The following CAMK4 variants were observed in gnomAD, a reference collection of about 807,000 sequenced individuals.
CAMK4 encodes the protein calcium/calmodulin-dependent protein kinase type IV.
Under a neutral mutation model 44.9 loss-of-function variants are expected in CAMK4, and 22 were observed. The observed-to-expected ratio is 0.49, with a 90% CI of 0.35 to 0.70. The LOEUF (loss-of-function observed/expected upper bound fraction) is 0.70. Among genes scored for constraint, CAMK4 ranks in the 30% least tolerant of loss-of-function variants. The probability of loss-of-function intolerance (pLI) is 0.01; values close to 1 mark genes in which losing one functional copy is unlikely to be tolerated. For missense variants in CAMK4, 498 were observed against 586.8 expected (o/e 0.85, Z 1.56); for synonymous variants, 218 against 215.4 (o/e 1.01, Z -0.11).
At chr5:111,378,143 T>C (rs1751283130) in intron 4 of CAMK4, among the ~76,000 whole-genome samples, 1 of 152,002 alleles carries the variant, frequency 6.6e-6, no homozygotes, top group Non-Finnish European at 1.5e-5. Context: ...ATGAGATTAG[T>C]GCCGTTATAA....
intron 5 of CAMK4, among the ~76,000 whole-genome samples, chr5:111,434,771 TACTC>T (rs1289725288): frequency 1.3e-5 from 2 of 152,238 alleles, no homozygotes; most frequent in Admixed American, 6.5e-5. Flanking sequence ...AATTTATGTG[TACTC>T]ACTCTAATTT....
chr5:111,295,420 G>T (rs115356392), intron 1 of CAMK4, among the ~76,000 whole-genome samples: 2,054 of 152,214 alleles, frequency 0.013, 16 homozygotes, highest in Middle Eastern at 0.027. Flanking sequence ...GGGAATTTTG[G>T]TTCAAGTTAG....
At chr5:111,397,928 A>G (rs1752082000) in intron 5 of CAMK4, among the ~76,000 whole-genome samples, 1 of 152,144 alleles carries the variant, frequency 6.6e-6, no homozygotes, top group South Asian at 2.1e-4. Flanking sequence ...AAAATGAAGT[A>G]ATCTTCAAAA....
At chr5:111,383,552 A>C (rs960668849) in intron 4 of CAMK4, among the ~76,000 whole-genome samples, 2 of 152,074 alleles carry the variant, frequency 1.3e-5, no homozygotes, top group Non-Finnish European at 2.9e-5. Context: ...TTTGAGTTCC[A>C]TGGAGGCAGT....
chr5:111,488,102 A>C lies in CAMK4; in HGVS notation c.*3636A>C, dbSNP rs1755695826. On this transcript the variant is annotated 3_prime_UTR_variant, in exon 11 of 11. Coordinates refer to ENST00000282356, the MANE Select transcript of CAMK4 (RefSeq NM_001744.6). ...TACCAAAATCTACTCTCAGCCAACT[A>C]TGTGTCTTCATTCAGGAAGAACTGC... The C allele has an allele frequency of 1.3e-5, 2 of 152,158 alleles. No individual in the cohort carries two copies. Among genetic ancestry groups the C allele is most frequent in the Admixed American group, 6.5e-5 (1 of 15,282 alleles). 9.4% of individuals were successfully genotyped at this position (152,158 alleles called of 1,614,324 possible). A position where few individuals can be genotyped will look rare whatever the true frequency, so the allele number is the denominator to read the frequency against.
At chr5:111,343,877 T>TG in intron 1 of CAMK4, 147 bp from the exon 2 acceptor site, 1 of 537,750 alleles carries the variant, frequency 1.9e-6, no homozygotes, top group Non-Finnish European at 3.3e-6. Flanking sequence ...AAAATACTCT[T>TG]GACAGCTAGG....
chr5:111,258,740 CGTGTGTGT>C (rs201959904), intron 1 of CAMK4, among the ~76,000 whole-genome samples: 7,436 of 139,266 alleles, frequency 0.053, 210 homozygotes, highest in South Asian at 0.084. Flanking sequence ...GAGTTATCAG[CGTGTGTGT>C]GTGTGTGTGT....
chr5:111,316,446 C>A (rs1455923474), intron 1 of CAMK4, among the ~76,000 whole-genome samples: 4 of 152,174 alleles, frequency 2.6e-5, no homozygotes, highest in African/African-American at 9.7e-5. Context: ...TTCTTTTCTT[C>A]TTCTAAGATG....
At chr5:111,474,064 G>A (rs549844332) in intron 8 of CAMK4, among the ~76,000 whole-genome samples, 171 of 152,264 alleles carry the variant, frequency 1.1e-3, no homozygotes, top group Non-Finnish European at 1.9e-3. Flanking sequence ...ATAGAAGAGC[G>A]TCTGAGATGG....
chr5:111,274,981 T>G (rs1253511692), intron 1 of CAMK4, among the ~76,000 whole-genome samples: 1 of 152,126 alleles, frequency 6.6e-6, no homozygotes. Context: ...TGCTCTTGAC[T>G]TTTTTCTTAA....
chr5:111,320,424 A>C (rs145388588), intron 1 of CAMK4, among the ~76,000 whole-genome samples: 15 of 152,278 alleles, frequency 9.9e-5, no homozygotes, highest in African/African-American at 3.6e-4. Flanking sequence ...ATAGAAACAG[A>C]AATTAATTTG....
intron 1 of CAMK4, among the ~76,000 whole-genome samples, chr5:111,252,515 T>C (rs1468675846): frequency 2.6e-5 from 4 of 152,170 alleles, no homozygotes; most frequent in African/African-American, 9.7e-5. Context: ...GGGGAACTTG[T>C]GGTTGCTGGT....
At chr5:111,478,100 TATAATA>T (rs931422920) in intron 8 of CAMK4, among the ~76,000 whole-genome samples, 1 of 150,260 alleles carries the variant, frequency 6.7e-6, no homozygotes, top group Non-Finnish European at 1.5e-5. Context: ...TAATAAGAAT[TATAATA>T]ATAATTATTA....
At chr5:111,467,654 G>A (rs1754890284) in intron 7 of CAMK4, among the ~76,000 whole-genome samples, 1 of 152,028 alleles carries the variant, frequency 6.6e-6, no homozygotes, top group Non-Finnish European at 1.5e-5. Flanking sequence ...GCAATGCAAT[G>A]CCACCTTACT....
rs1422108362 is a variant in CAMK4, at chr5:111,376,090, T to C, written c.304-770T>C. Among the ~76,000 whole-genome samples, 3 of 151,940 alleles carry C rather than the reference T, an allele frequency of 2.0e-5. No individual in the cohort carries two copies. The East Asian group carries it at 5.8e-4, about 29-fold the overall frequency. ...GATACCATCTCTGAACAAATCAGAG[T>C]TCTGTTTATATTAAAGTAGGGAGAA... On this transcript the variant is annotated intron_variant, in intron 3 of 10. Coordinates refer to ENST00000282356, the MANE Select transcript of CAMK4 (RefSeq NM_001744.6).
Position 111,484,683 on chromosome 5 carries a change from GA to G in CAMK4, c.*218del, listed in dbSNP as rs1012630120. 1.6e-5 allele frequency: 6 copies of G among 377,966 alleles called. No homozygotes were observed. The highest frequency in any genetic ancestry group is 2.8e-5 in the Non-Finnish European group (6 of 213,840). The allele number at this position is 377,966 out of a possible 1,614,324, so 23.4% of individuals were successfully genotyped here. A position where few individuals can be genotyped will look rare whatever the true frequency, so the allele number is the denominator to read the frequency against. On this transcript the variant is annotated 3_prime_UTR_variant, in exon 11 of 11. Transcript: ENST00000282356. This position sits in a 1 kb window ranked among gnomAD's most constrained non-coding sequence, Gnocchi z 5.3. ...TGGCATGTAATGGATACCTAATACCGATGAGTTAAATCTTGCAAGTTAACAC... is the reference window on the plus strand; with the variant it reads ...TGGCATGTAATGGATACCTAATACCGTGAGTTAAATCTTGCAAGTTAACAC...
chr5:111,348,958 T>G lies in CAMK4; in HGVS notation c.240+4856T>G, dbSNP rs141718367. Among the ~76,000 whole-genome samples, 241 of 152,166 alleles carry G rather than the reference T, an allele frequency of 1.6e-3. 1 individual carries two copies. Among genetic ancestry groups the G allele is most frequent in the African/African-American group, 5.6e-3 (232 of 41,580 alleles). On this transcript the variant is annotated intron_variant, in intron 2 of 10. Transcript: ENST00000282356. Reference sequence around the variant, plus strand: ...AATAGAAAATGATAACTGAACCACTTTTTATTGTATTGAAAAAACCCTGGA... The same window carrying G: ...AATAGAAAATGATAACTGAACCACTGTTTATTGTATTGAAAAAACCCTGGA...
At chr5:111,332,869 A>C (rs1749230915) in intron 1 of CAMK4, among the ~76,000 whole-genome samples, 1 of 151,818 alleles carries the variant, frequency 6.6e-6, no homozygotes, top group Non-Finnish European at 1.5e-5. Context: ...ATATTCATTA[A>C]ATTTTGGTTT....
chr5:111,478,429 G>A lies in CAMK4; in HGVS notation c.750G>A (p.Met250Ile). 2 of 1,576,450 alleles carry A rather than the reference G, an allele frequency of 1.3e-6. No individual in the cohort carries two copies. The highest frequency in any genetic ancestry group is 1.7e-6 in the Non-Finnish European group (2 of 1,148,126). The change falls in exon 9 of 11, where the codon ATG becomes ATA. Residue 250 changes from methionine to isoleucine, a missense_variant. Physicochemically the swap from Met to Ile is conservative, Grantham distance 10. Transcript: ENST00000282356. ...ATGATGAAAGAGGCGATCAGTTCAT[G>A]TTCAGGAGAATTCTGAATTGTGAAT... ...PFYDERGDQF[M>I]FRRILNCEYY... is the part of the protein sequence containing the mutation.
Sources: gnomAD v4.1 joint callset for allele counts (sites outside exome capture counted in the v4.1 genomes callset) on GRCh38, gnomAD v4.1.1 for gene constraint, Gnocchi (gnomAD v3.1) non-coding constraint, MANE v1.5 for transcripts, NCBI Gene and HGNC (gene_info 2026-07-23, HGNC 2026-07-21) for gene names.